Variants in ABCA4 observed in about 807,000 individuals in gnomAD.
The protein encoded by ABCA4 is ATP binding cassette subfamily A member 4, also known as retinal-specific phospholipid-transporting ATPase ABCA4.
Under a neutral mutation model 263.7 loss-of-function variants are expected in ABCA4, and 196 were observed. The ratio of observed to expected loss-of-function variants is 0.74; its 90% CI spans 0.66 to 0.84. The LOEUF (loss-of-function observed/expected upper bound fraction) is 0.84, where lower values mean the gene tolerates loss of function less well. ABCA4 is among the 40% of genes least tolerant of loss of function. The probability of loss-of-function intolerance (pLI) is 0.00; values close to 1 mark genes in which losing one functional copy is unlikely to be tolerated. For missense variants in ABCA4, 2,792 were observed against 2,855.1 expected (o/e 0.98, Z 0.50); for synonymous variants, 1,133 against 1,094.2 (o/e 1.04, Z -0.70).
In ABCA4 at chr1:94,019,593, G is replaced by A. The variant is rs1280693634; in HGVS notation, c.5185C>T (p.Leu1729Phe). ...SPTTYWVTNF[L>F]WDIMNYSVSA... Reference sequence around the variant, plus strand: ...AAACTGACACTTACGATGTCCCAGAGGAAGTTGGTCACCCAGTAGGTGGTG... The same window carrying A: ...AAACTGACACTTACGATGTCCCAGAAGAAGTTGGTCACCCAGTAGGTGGTG... Residue 1729 changes from leucine (L) to phenylalanine (F), a missense_variant, in exon 36 of 50, where the codon CTC becomes TTC. By Grantham distance (22) the Leu-to-Phe change is conservative. Coordinates refer to ENST00000370225, the MANE Select transcript of ABCA4 (RefSeq NM_000350.3). 1.2e-6 allele frequency: 2 copies of A among 1,607,066 alleles called. No homozygotes were observed. The highest frequency in any genetic ancestry group is 8.5e-7 in the Non-Finnish European group (1 of 1,176,498).
chr1:94,014,042 A>T (rs1659649364), intron 38 of ABCA4, among the ~76,000 whole-genome samples: 1 of 152,150 alleles, frequency 6.6e-6, no homozygotes, highest in Non-Finnish European at 1.5e-5. Flanking sequence ...AAAACCCAAC[A>T]CCCAAAGTCC....
Position 94,031,764 on chromosome 1 carries a change from A to G in ABCA4, c.4128+14T>C. Reference sequence around the variant, plus strand: ...AGCCACTGAGCTCAGCTAAACACCGACCGACAATAGTACCTGCGCCAGGAA... The same window carrying G: ...AGCCACTGAGCTCAGCTAAACACCGGCCGACAATAGTACCTGCGCCAGGAA... On this transcript the variant is annotated intron_variant, in intron 27 of 49. Transcript: ENST00000370225. The G allele has an allele frequency of 6.2e-7, 1 of 1,613,148 alleles. No individual in the cohort carries two copies. Among genetic ancestry groups the G allele is most frequent in the South Asian group, 1.1e-5 (1 of 91,012 alleles).
At chr1:94,111,959 A>C (rs1237265906) in intron 2 of ABCA4, among the ~76,000 whole-genome samples, 1 of 152,204 alleles carries the variant, frequency 6.6e-6, no homozygotes, top group East Asian at 1.9e-4. Flanking sequence ...AACCACGGTG[A>C]ACTGAGCACC....
At chr1:94,049,549 G>A (rs1439961665) in intron 17 of ABCA4, among the ~76,000 whole-genome samples, 3 of 152,164 alleles carry the variant, frequency 2.0e-5, no homozygotes, top group Admixed American at 6.5e-5. Context: ...GCTTGAACCC[G>A]GGAGGCGGAG....
chr1:93,997,820 C>T, intron 48 of ABCA4, 41 bp downstream of exon 48: 1 of 1,613,192 alleles, frequency 6.2e-7, no homozygotes, highest in Non-Finnish European at 8.5e-7. Flanking sequence ...GTGTTCTGGA[C>T]CAGTCTTTGC....
At chr1:94,083,248 T>C in intron 7 of ABCA4, 104 bp downstream of exon 7, 1 of 1,062,312 alleles carries the variant, frequency 9.4e-7, no homozygotes, top group Non-Finnish European at 1.4e-6. Context: ...TCAAATGTAC[T>C]TTTCCTTGAA....
chr1:94,037,080 T>C, intron 25 of ABCA4, 65 bp downstream of exon 25: 2 of 1,546,870 alleles, frequency 1.3e-6, no homozygotes, highest in Non-Finnish European at 1.8e-6. Context: ...GCTCTAATGT[T>C]AGACTTTTTC....
intron 4 of ABCA4, among the ~76,000 whole-genome samples, chr1:94,108,166 G>C (rs12057375): frequency 6.6e-6 from 1 of 152,008 alleles, no homozygotes; most frequent in Admixed American, 6.6e-5. Context: ...GACCTCCCTG[G>C]CTCCTTAATG....
At chr1:94,058,174 C>G (rs937244405) in intron 14 of ABCA4, among the ~76,000 whole-genome samples, 1 of 152,130 alleles carries the variant, frequency 6.6e-6, no homozygotes, top group African/African-American at 2.4e-5. Flanking sequence ...AAGAGACCCA[C>G]GCTTAACTGG....
chr1:94,035,298 T>C (rs965688101), intron 26 of ABCA4, among the ~76,000 whole-genome samples: 2 of 152,216 alleles, frequency 1.3e-5, no homozygotes, highest in Non-Finnish European at 2.9e-5. Context: ...TGACATTGGG[T>C]GAGCTGAGAT....
intron 14 of ABCA4, chr1:94,059,617 C>G (rs918120441): frequency 1.3e-5 from 2 of 152,202 alleles, no homozygotes; most frequent in African/African-American, 4.8e-5. Context: ...CTCAGCCAGT[C>G]TGTGGTCACT....
At chr1:93,998,713 A>ATTTATTTTATTTTATTTTATTTAT (rs1659082957) in intron 47 of ABCA4, among the ~76,000 whole-genome samples, 1 of 133,634 alleles carries the variant, frequency 7.5e-6, no homozygotes, top group Non-Finnish European at 1.6e-5. Flanking sequence ...ATTTTATTTT[A>ATTTATTTTATTTTATTTTATTTAT]TTTATTTTAT....
chr1:94,029,732 A>G (rs1660145950), intron 29 of ABCA4, 101 bp from the exon 30 acceptor site: 6 of 1,144,488 alleles, frequency 5.2e-6, no homozygotes, highest in East Asian at 2.5e-5. Flanking sequence ...TCCTCTTTAG[A>G]CCCAGGCCCT....
At chr1:94,041,998 C>T (rs1158619314) in intron 22 of ABCA4, among the ~76,000 whole-genome samples, 1 of 146,540 alleles carries the variant, frequency 6.8e-6, no homozygotes, top group Non-Finnish European at 1.5e-5. Flanking sequence ...ACTCAGGAGG[C>T]TGAGGCAGGA....
intron 37 of ABCA4, among the ~76,000 whole-genome samples, 194 bp downstream of exon 37, chr1:94,015,545 C>T (rs1262816165): frequency 6.6e-6 from 1 of 152,158 alleles, no homozygotes; most frequent in African/African-American, 2.4e-5. Flanking sequence ...TCAGAGATAC[C>T]TCTGTCAGTG....
At chr1:94,050,298 G>GT (rs34890105) in intron 17 of ABCA4, among the ~76,000 whole-genome samples, 9,198 of 152,290 alleles carry the variant, frequency 0.06, 350 homozygotes, top group African/African-American at 0.088. Flanking sequence ...ACTGGAATGA[G>GT]TTCCTGCCAG....
chr1:94,044,134 C>T (rs1205328410), intron 20 of ABCA4, among the ~76,000 whole-genome samples: 4 of 86,316 alleles, frequency 4.6e-5, no homozygotes, highest in African/African-American at 1.7e-4. Context: ...CCCTTCCTTC[C>T]TCCCTTCCTT....
At chr1:94,069,391 A>G (rs1661350795) in intron 11 of ABCA4, among the ~76,000 whole-genome samples, 1 of 152,248 alleles carries the variant, frequency 6.6e-6, no homozygotes, top group Admixed American at 6.5e-5. Flanking sequence ...GACGTGGCAT[A>G]AGAGGACATA....
At chr1:94,080,067 T>C (rs1388200270) in intron 8 of ABCA4, among the ~76,000 whole-genome samples, 1 of 152,140 alleles carries the variant, frequency 6.6e-6, no homozygotes, top group Non-Finnish European at 1.5e-5. Flanking sequence ...AATTCAGTAC[T>C]ACACACATAG....
Sources: allele counts gnomAD v4.1 joint callset (sites outside exome capture counted in the v4.1 genomes callset), GRCh38; gene constraint gnomAD v4.1.1; transcripts MANE v1.5; gene names NCBI Gene and HGNC (gene_info 2026-07-23, HGNC 2026-07-21).